Variants in FYN observed in about 807,000 individuals in gnomAD.
FYN encodes the protein tyrosine-protein kinase Fyn.
A neutral mutation model predicts 70.2 loss-of-function variants in FYN; 10 were observed. The ratio of observed to expected loss-of-function variants is 0.14; its 90% CI spans 0.09 to 0.24. The LOEUF is 0.24. FYN is among the 10% of genes least tolerant of loss of function. FYN has a pLI of 1.00. For missense variants in FYN, 319 were observed against 673.1 expected, an observed-to-expected ratio of 0.47 and a Z score of 5.82; for synonymous variants, 236 against 248.6, an observed-to-expected ratio of 0.95 and a Z score of 0.48.
chr6:111,803,142 C>T (rs1772040722), intron 2 of FYN, among the ~76,000 whole-genome samples: 2 of 152,250 alleles, frequency 1.3e-5, no homozygotes, highest in African/African-American at 4.8e-5. Flanking sequence ...CCCTCAAAGG[C>T]CATTTGGAGT....
At chr6:111,819,882 T>C (rs1772603830) in intron 2 of FYN, 1 of 152,182 alleles carries the variant, frequency 6.6e-6, no homozygotes, top group African/African-American at 2.4e-5. Context: ...ATGCAGAGGG[T>C]CTGGCGATAA....
At chr6:111,845,570 G>T (rs1773502827) in intron 2 of FYN, among the ~76,000 whole-genome samples, 1 of 152,188 alleles carries the variant, frequency 6.6e-6, no homozygotes, top group Admixed American at 6.5e-5. Context: ...CCCTAACTTA[G>T]AGACAAACGA....
chr6:111,767,531 G>T lies in FYN; in HGVS notation c.-12+13035C>A, dbSNP rs1487010541. 2.0e-5 allele frequency among the ~76,000 whole-genome samples: 3 copies of T among 151,840 alleles called. No individual in the cohort carries two copies. In the East Asian group the frequency reaches 5.8e-4, roughly 29 times the overall value. ...ATTCTCCTGTCTCAGCCTCCGAGTA[G>T]CTGGGACTACAGGCATGCACCACCA... is the stretch of plus-strand genomic sequence containing the variant. On this transcript the variant is annotated intron_variant, in intron 3 of 13. Transcript: ENST00000354650.
chr6:111,695,761 G>C (rs1291986640), intron 10 of FYN, among the ~76,000 whole-genome samples: 1 of 152,192 alleles, frequency 6.6e-6, no homozygotes, highest in Non-Finnish European at 1.5e-5. Context: ...AGACAGAGGG[G>C]TTGTAGGGGA....
chr6:111,665,992 CTCCT>C (rs1797984996), intron 13 of FYN, among the ~76,000 whole-genome samples: 5 of 137,720 alleles, frequency 3.6e-5, no homozygotes, highest in Admixed American at 2.2e-4. Context: ...TTTCCTTTTT[CTCCT>C]TTTTTTTTTT....
intron 3 of FYN, among the ~76,000 whole-genome samples, chr6:111,755,567 T>C (rs2128490471): frequency 6.6e-6 from 1 of 152,276 alleles, no homozygotes; most frequent in South Asian, 2.1e-4. Context: ...CATCGGAGAA[T>C]ATGCACTAAA....
intron 3 of FYN, among the ~76,000 whole-genome samples, chr6:111,761,821 C>T (rs1803020213): frequency 1.3e-5 from 2 of 152,090 alleles, no homozygotes; most frequent in African/African-American, 4.8e-5. Flanking sequence ...AGCTGCTTGC[C>T]CAGGGTCTCC....
At chr6:111,672,820 A>T (rs1380832639) in intron 13 of FYN, among the ~76,000 whole-genome samples, 3 of 152,070 alleles carry the variant, frequency 2.0e-5, no homozygotes, top group Non-Finnish European at 4.4e-5. Context: ...TGAATGAATG[A>T]ATCCTGGTCT....
At chr6:111,851,530 A>G (rs1266736073) in intron 1 of FYN, among the ~76,000 whole-genome samples, 2 of 152,216 alleles carry the variant, frequency 1.3e-5, no homozygotes, top group African/African-American at 4.8e-5. Flanking sequence ...CACTAACTGC[A>G]CGGTCTGTTT....
rs766134473 is a variant in FYN at position 111,696,473 on chromosome 6, A to G, written c.863-17T>C. On this transcript the variant is annotated splice_polypyrimidine_tract_variant and intron_variant, in intron 9 of 13. Coordinates refer to ENST00000354650, the MANE Select transcript of FYN (RefSeq NM_002037.5). ...TCCAGGTACCTACAAACATCCCAGAATATGAAGTCAAACCAAAGATCTTCT... is the reference window on the plus strand; with the variant it reads ...TCCAGGTACCTACAAACATCCCAGAGTATGAAGTCAAACCAAAGATCTTCT... 6 of 1,546,744 alleles carry G rather than the reference A, an allele frequency of 3.9e-6. No homozygotes were observed. The highest frequency in any genetic ancestry group is 4.4e-6 in the Non-Finnish European group (5 of 1,140,888).
At chr6:111,768,704 C>T (rs1349289768) in intron 3 of FYN, among the ~76,000 whole-genome samples, 1 of 152,194 alleles carries the variant, frequency 6.6e-6, no homozygotes, top group Non-Finnish European at 1.5e-5. Context: ...ATTTCCTTTC[C>T]TTTTCTCATC....
At chr6:111,719,262 A>C (rs1019612270) in intron 4 of FYN, among the ~76,000 whole-genome samples, 7 of 151,970 alleles carry the variant, frequency 4.6e-5, no homozygotes, top group Non-Finnish European at 7.4e-5. Context: ...CAGCAAATAC[A>C]CATGGCAGCA....
chr6:111,845,289 A>G (rs1773493333), intron 2 of FYN, among the ~76,000 whole-genome samples: 1 of 152,152 alleles, frequency 6.6e-6, no homozygotes, highest in Non-Finnish European at 1.5e-5. Flanking sequence ...GAAGGGTCAC[A>G]GTATACTGAC....
At chr6:111,756,619 C>T (rs1177222082) in intron 3 of FYN, among the ~76,000 whole-genome samples, 1 of 152,026 alleles carries the variant, frequency 6.6e-6, no homozygotes, top group East Asian at 1.9e-4. Flanking sequence ...AAATATATCA[C>T]GACTAATGTG....
chr6:111,765,057 C>T (rs1348788635), intron 3 of FYN, among the ~76,000 whole-genome samples: 1 of 151,980 alleles, frequency 6.6e-6, no homozygotes, highest in African/African-American at 2.4e-5. Context: ...GCTGGGCCAC[C>T]GCAAGGGAGC....
At chr6:111,755,206 C>T (rs1196305269) in intron 3 of FYN, among the ~76,000 whole-genome samples, 2 of 151,574 alleles carry the variant, frequency 1.3e-5, no homozygotes, top group Non-Finnish European at 2.9e-5. Flanking sequence ...CTAAAATAGC[C>T]CATAGTGTGG....
chr6:111,738,611 C>G (rs1454817367), intron 3 of FYN, among the ~76,000 whole-genome samples: 2 of 152,210 alleles, frequency 1.3e-5, no homozygotes, highest in Non-Finnish European at 2.9e-5. Flanking sequence ...CTTGGTCACC[C>G]CTAGCTGTCT....
intron 3 of FYN, among the ~76,000 whole-genome samples, chr6:111,763,992 T>C (rs765536741): frequency 6.6e-6 from 1 of 152,098 alleles, no homozygotes; most frequent in Admixed American, 6.6e-5. Context: ...GCTCAGGCTA[T>C]GCTATCTATG....
At chr6:111,810,386 C>A (rs1367974651) in intron 2 of FYN, among the ~76,000 whole-genome samples, 3 of 152,128 alleles carry the variant, frequency 2.0e-5, no homozygotes, top group Admixed American at 2.0e-4. Context: ...TGCAATCAGT[C>A]ATGGGATGTG....
Sources: allele counts gnomAD v4.1 joint callset (sites outside exome capture counted in the v4.1 genomes callset), GRCh38; gene constraint gnomAD v4.1.1; transcripts MANE v1.5; gene names NCBI Gene and HGNC (gene_info 2026-07-23, HGNC 2026-07-21).